The following PAK3 variants were observed in gnomAD, a reference collection of about 807,000 sequenced individuals.
PAK3 encodes serine/threonine-protein kinase PAK 3.
PAK3 carries 4 observed loss-of-function variants against 41.0 expected under a neutral mutation model. That is an observed-to-expected ratio of 0.10 (90% CI 0.05 to 0.22). The LOEUF is 0.22. Among genes scored for constraint, PAK3 ranks in the 10% least tolerant of loss-of-function variants. The pLI is 1.00. For missense variants in PAK3, 205 were observed against 409.9 expected (o/e 0.50, Z 4.32); for synonymous variants, 146 against 139.6 (o/e 1.05, Z -0.32).
Position 111,223,087 on chromosome X carries a change from A to G in PAK3, c.*2640A>G, listed in dbSNP as rs1046443771. 4.5e-5 allele frequency: 5 copies of G among 111,292 alleles called. No individual in the cohort carries two copies. The highest frequency in any genetic ancestry group is 1.3e-4 in the African/African-American group (4 of 30,652). The allele number at this position is 111,292 out of a possible 1,213,427, so 9.2% of individuals were successfully genotyped here. On this transcript the variant is annotated 3_prime_UTR_variant, in exon 18 of 18. Transcript: ENST00000372007. ...TGCTGAAGGATTCACATTTGGTACA[A>G]TCGAGTAACTTGAACGCCAGATTGT...
chrX:111,170,001 T>A (rs1476433182), intron 10 of PAK3, among the ~76,000 whole-genome samples: 2 of 111,064 alleles, frequency 1.8e-5, no homozygotes, highest in African/African-American at 3.3e-5. Flanking sequence ...ACTTAGAGGA[T>A]CCTGATAGAG....
chrX:110,970,590 C>T (rs989216978), intron 1 of PAK3, among the ~76,000 whole-genome samples: 1 of 110,497 alleles, frequency 9.1e-6, no homozygotes, highest in African/African-American at 3.3e-5. Context: ...CACACCAGGG[C>T]CTGCTGTGGG....
chrX:111,145,834 A>G (rs961353145), intron 6 of PAK3, among the ~76,000 whole-genome samples: 2 of 111,976 alleles, frequency 1.8e-5, no homozygotes, highest in African/African-American at 3.2e-5. Context: ...TGGAAATTAT[A>G]TATATATGGT....
At chrX:111,004,158 G>A (rs757673652) in intron 1 of PAK3, among the ~76,000 whole-genome samples, 4 of 112,241 alleles carry the variant, frequency 3.6e-5, no homozygotes, top group Non-Finnish European at 1.9e-5. Context: ...ACTGAGAGTA[G>A]TGGAGGTAAT....
chrX:111,147,358 A>C (rs1359753206), intron 6 of PAK3, among the ~76,000 whole-genome samples: 1 of 111,652 alleles, frequency 9.0e-6, no homozygotes, highest in Non-Finnish European at 1.9e-5. Flanking sequence ...GCACTTTACT[A>C]TGCTGTGCAC....
chrX:111,059,121 C>CTTTTTTTTTTT (rs386417402), intron 1 of PAK3, among the ~76,000 whole-genome samples: 1 of 61,013 alleles, frequency 1.6e-5, no homozygotes, highest in Non-Finnish European at 2.8e-5. Context: ...TCAACTTTTC[C>CTTTTTTTTTTT]TTTTTTTTTT....
intron 8 of PAK3, among the ~76,000 whole-genome samples, chrX:111,160,352 A>C (rs2094155204): frequency 9.0e-6 from 1 of 111,498 alleles, no homozygotes; most frequent in Admixed American, 9.5e-5. Context: ...AGAAGTATTA[A>C]TCTAACATTT....
chrX:111,178,614 C>T (rs778675912), intron 11 of PAK3, among the ~76,000 whole-genome samples: 1 of 110,739 alleles, frequency 9.0e-6, no homozygotes, highest in African/African-American at 3.3e-5. Context: ...ATGAAAGACA[C>T]ACTCATATGT....
intron 1 of PAK3, among the ~76,000 whole-genome samples, chrX:111,086,852 C>T (rs2092888736): frequency 8.9e-6 from 1 of 111,896 alleles, no homozygotes; most frequent in East Asian, 2.8e-4. Flanking sequence ...TGCAGTCAAA[C>T]TGCTGGCTGG....
At chrX:111,074,034 G>A (rs2092765786) in intron 1 of PAK3, among the ~76,000 whole-genome samples, 1 of 111,309 alleles carries the variant, frequency 9.0e-6, no homozygotes, top group South Asian at 3.8e-4. Flanking sequence ...TTATCTCTGG[G>A]GTGCTAGAAT....
intron 11 of PAK3, among the ~76,000 whole-genome samples, chrX:111,175,623 A>C (rs1336282911): frequency 9.0e-6 from 1 of 110,819 alleles, no homozygotes; most frequent in African/African-American, 3.3e-5. Flanking sequence ...TTTTGTCTTG[A>C]TTGTTCCAAC....
At chrX:111,193,025 A>G (rs2094574461) in intron 13 of PAK3, among the ~76,000 whole-genome samples, 1 of 111,889 alleles carries the variant, frequency 8.9e-6, no homozygotes. Context: ...AGGTCTAGGG[A>G]ATTCAGACTT....
At chrX:111,146,546 G>T in intron 6 of PAK3, 2 of 1,143,344 alleles carry the variant, frequency 1.7e-6, no homozygotes, top group Admixed American at 2.4e-5. Context: ...TCACAGATGT[G>T]CCCAGGGAAG....
intron 1 of PAK3, among the ~76,000 whole-genome samples, chrX:110,976,626 T>A (rs2148645994): frequency 8.9e-6 from 1 of 112,126 alleles, no homozygotes; most frequent in African/African-American, 3.2e-5. Context: ...CCCAAAGGAC[T>A]GTAAATCATG....
chrX:111,035,603 A>G (rs995683057), intron 1 of PAK3, among the ~76,000 whole-genome samples: 1 of 111,780 alleles, frequency 8.9e-6, no homozygotes, highest in African/African-American at 3.3e-5. Flanking sequence ...TTTCCTAGAG[A>G]GAGAAAGAGA....
chrX:111,170,440 T>C (rs1368938545), intron 10 of PAK3, among the ~76,000 whole-genome samples: 1 of 111,357 alleles, frequency 9.0e-6, no homozygotes, highest in Non-Finnish European at 1.9e-5. Flanking sequence ...GTATACTATC[T>C]ACTGCTGTTA....
chrX:110,971,050 T>C (rs1035863638), intron 1 of PAK3, among the ~76,000 whole-genome samples: 3 of 112,485 alleles, frequency 2.7e-5, no homozygotes. Flanking sequence ...TCTTTCACCA[T>C]TGTGATGTTA....
At chrX:111,144,933 T>C (rs759856422) in intron 6 of PAK3, 4 of 972,974 alleles carry the variant, frequency 4.1e-6, no homozygotes, top group Middle Eastern at 2.6e-4. Context: ...GTATGAGTGA[T>C]ATAAATTATC....
At chrX:111,027,064 C>T (rs190862423) in intron 1 of PAK3, among the ~76,000 whole-genome samples, 43 of 111,367 alleles carry the variant, frequency 3.9e-4, no homozygotes, top group Non-Finnish European at 5.9e-4. Context: ...GAGGAAAGGA[C>T]ACTCTATGTA....
Sources: gnomAD v4.1 joint callset for allele counts (sites outside exome capture counted in the v4.1 genomes callset) on GRCh38, gnomAD v4.1.1 for gene constraint, MANE v1.5 for transcripts, NCBI Gene and HGNC (gene_info 2026-07-23, HGNC 2026-07-21) for gene names.